POLR1C: variants seen among roughly 807,000 people sequenced by gnomAD.
POLR1C encodes the protein RNA polymerase I and III subunit C.
Under a neutral mutation model 38.3 loss-of-function variants are expected in POLR1C, and 42 were observed. That is an observed-to-expected ratio of 1.10 (90% CI 0.86 to 1.42). POLR1C has a LOEUF of 1.42. Among genes scored for constraint, POLR1C ranks in the 40% most tolerant of loss-of-function variants. POLR1C has a pLI of 0.00. For synonymous variants in POLR1C, 163 were observed against 163.9 expected (o/e 0.99, Z 0.04); for missense variants, 507 against 450.5 (o/e 1.13, Z -1.14).
At chr6:43,522,625 G>T, downstream of POLR1C, 1 of 405,020 alleles carries the variant, frequency 2.5e-6, no homozygotes, top group East Asian at 7.8e-5. Context: ...TGCTTCCCCA[G>T]CTTTGCTTCT....
chr6:43,554,582 G>A (rs1761940511), intron 10 of POLR1C, among the ~76,000 whole-genome samples: 1 of 151,644 alleles, frequency 6.6e-6, no homozygotes, highest in Non-Finnish European at 1.5e-5. Context: ...CCACCACCAC[G>A]CCTGGCTAAT....
chr6:43,520,719 TGAG>T lies in POLR1C; in HGVS notation c.754_756del (p.Glu252del). 1.2e-6 allele frequency: 2 copies of T among 1,614,120 alleles called. No homozygotes were observed. Among genetic ancestry groups the T allele is most frequent in the African/African-American group, 1.3e-5 (1 of 75,008 alleles). The stretch of plus-strand genomic sequence containing the variant: ...TTGAGCCCGTGGAAGGGGAGGCAGC[TGAG>T]GAGTTGAGCAGGTGCTTCTCACCTG... On this transcript the variant is annotated inframe_deletion, in exon 7 of 9. Coordinates refer to ENST00000642195, the MANE Select transcript of POLR1C (RefSeq NM_203290.4).
intron 10 of POLR1C, chr6:43,551,167 G>T: frequency 1.1e-6 from 1 of 917,932 alleles, no homozygotes; most frequent in Non-Finnish European, 1.5e-6. Flanking sequence ...GAGGTGTGAG[G>T]ATCCCTTGAG....
At chr6:43,524,003 T>C (rs1387146137), downstream of POLR1C, 1 of 1,612,304 alleles carries the variant, frequency 6.2e-7, no homozygotes, top group Non-Finnish European at 8.5e-7. Context: ...CTCCCAAGGG[T>C]TTCTGTGGAA....
chr6:43,537,341 G>T (rs1036014691), intron 9 of POLR1C, among the ~76,000 whole-genome samples: 2 of 151,976 alleles, frequency 1.3e-5, no homozygotes, highest in African/African-American at 4.8e-5. Context: ...TCTTTTAAAG[G>T]CTAAACCTTT....
chr6:43,531,587 T>C, downstream of POLR1C: 1 of 1,607,026 alleles, frequency 6.2e-7, no homozygotes, highest in Non-Finnish European at 8.5e-7. Flanking sequence ...TACAGGGAAA[T>C]ACGGGTCAAG....
At chr6:43,553,296 C>A in intron 10 of POLR1C, 1 of 1,492,844 alleles carries the variant, frequency 6.7e-7, no homozygotes, top group South Asian at 1.3e-5. Flanking sequence ...AGAGATATAG[C>A]GTCCCAAAAT....
At chr6:43,524,638 G>A, downstream of POLR1C, 4 of 1,613,496 alleles carry the variant, frequency 2.5e-6, no homozygotes, top group South Asian at 3.3e-5. Flanking sequence ...CTGGGGCGCT[G>A]ATATCAGCAG....
downstream of POLR1C, chr6:43,524,117 C>A: frequency 1.4e-6 from 2 of 1,453,044 alleles, no homozygotes; most frequent in South Asian, 2.7e-5. Context: ...TTTGGGAGGC[C>A]AAGGCGGGTG....
chr6:43,522,626 C>A, downstream of POLR1C: 1 of 406,464 alleles, frequency 2.5e-6, no homozygotes, highest in Non-Finnish European at 5.4e-6. Flanking sequence ...GCTTCCCCAG[C>A]TTTGCTTCTT....
At chr6:43,537,166 G>C (rs186251513) in intron 9 of POLR1C, among the ~76,000 whole-genome samples, 1 of 139,240 alleles carries the variant, frequency 7.2e-6, no homozygotes, top group African/African-American at 2.8e-5. Context: ...TGTAGAGAAA[G>C]TGTCTGTGTT....
chr6:43,558,696 G>A (rs952154922), intron 10 of POLR1C: 55 of 804,888 alleles, frequency 6.8e-5, no homozygotes, highest in African/African-American at 5.6e-4. Flanking sequence ...AGAGTTAAGC[G>A]TTTGCATGAG....
At chr6:43,545,662 G>A (rs1794928677) in intron 9 of POLR1C, among the ~76,000 whole-genome samples, 1 of 151,838 alleles carries the variant, frequency 6.6e-6, no homozygotes, top group South Asian at 2.1e-4. Context: ...AGCCAAGATT[G>A]CACCACTGCA....
intron 6 of POLR1C, 57 bp downstream of exon 6, chr6:43,520,484 G>A (rs920723035): frequency 3.1e-6 from 5 of 1,608,116 alleles, no homozygotes; most frequent in Admixed American, 1.7e-5. Context: ...AGTGGGGCAA[G>A]CTGACTAGGG....
intron 10 of POLR1C, among the ~76,000 whole-genome samples, chr6:43,553,053 C>A (rs1177314423): frequency 6.7e-6 from 1 of 150,308 alleles, no homozygotes; most frequent in East Asian, 1.9e-4. Context: ...GTGGGTCATG[C>A]CCGCAATCTC....
chr6:43,528,090 G>T (rs1240968341), intron 8 of POLR1C: 1 of 1,470,960 alleles, frequency 6.8e-7, no homozygotes, highest in Non-Finnish European at 9.3e-7. Flanking sequence ...ATCCCTGCCC[G>T]CTTCCTTTTC....
At chr6:43,523,770 G>T, downstream of POLR1C, 1 of 1,593,614 alleles carries the variant, frequency 6.3e-7, no homozygotes, top group Non-Finnish European at 8.6e-7. Context: ...GACAGTGGTG[G>T]AAAGTGAGGT....
intron 9 of POLR1C, among the ~76,000 whole-genome samples, chr6:43,535,013 C>G (rs1274032112): frequency 6.6e-6 from 1 of 151,528 alleles, no homozygotes; most frequent in African/African-American, 2.4e-5. Flanking sequence ...CCCCCAAAGG[C>G]CAGGCGCAGT....
chr6:43,546,665 C>G, intron 9 of POLR1C: 1 of 1,613,720 alleles, frequency 6.2e-7, no homozygotes, highest in Non-Finnish European at 8.5e-7. Context: ...TAACCCACCA[C>G]AAATCCCCCA....
Sources: allele counts gnomAD v4.1 joint callset (sites outside exome capture counted in the v4.1 genomes callset), GRCh38; gene constraint gnomAD v4.1.1; transcripts MANE v1.5; gene names NCBI Gene and HGNC (gene_info 2026-07-23, HGNC 2026-07-21).